The following KDM4C variants were observed in gnomAD, a reference collection of about 807,000 sequenced individuals.
KDM4C encodes the protein lysine-specific demethylase 4C.
A neutral mutation model predicts 129.3 loss-of-function variants in KDM4C; 81 were observed. That is an observed-to-expected ratio of 0.63 (90% confidence interval 0.52 to 0.75). The LOEUF is 0.75. KDM4C is among the 30% of genes least tolerant of loss of function. The pLI is 0.00. For missense variants in KDM4C, 1,457 were observed against 1,304.0 expected, an observed-to-expected ratio of 1.12 and a Z score of -1.81; for synonymous variants, 573 against 456.1, an observed-to-expected ratio of 1.26 and a Z score of -3.26.
In KDM4C at chr9:6,957,527, G is replaced by A. The variant is rs139907662; in HGVS notation, c.922-23398G>A. On this transcript the variant is annotated intron_variant, in intron 8 of 21. Coordinates refer to ENST00000381309, the MANE Select transcript of KDM4C (RefSeq NM_015061.6). ...TAATTTTTTTTTTTCTGCAGTAATAGCAGCCACAGTGGTAGTGGCAGCGAC... is the reference window on the plus strand; with the variant it reads ...TAATTTTTTTTTTTCTGCAGTAATAACAGCCACAGTGGTAGTGGCAGCGAC... 8.0e-3 allele frequency among the ~76,000 whole-genome samples: 1,213 copies of A among 151,924 alleles called. 12 individuals are homozygous for A. Among genetic ancestry groups the A allele is most frequent in the African/African-American group, 0.026 (1,097 of 41,406 alleles).
rs369901786 is a variant in KDM4C at position 6,981,071 on chromosome 9, A to G, written c.1068A>G (p.Val356=). The part of the protein sequence containing the change: ...TKPTPASTPE[V]KAWLQRRRKV... Reference sequence around the variant, plus strand: ...CTACTCCAGCATCCACCCCTGAAGTAAAAGCATGGCTGCAGAGGAGGAGGA... The same window carrying G: ...CTACTCCAGCATCCACCCCTGAAGTGAAAGCATGGCTGCAGAGGAGGAGGA... The change falls in exon 9 of 22, where the codon GTA becomes GTG. Residue 356 remains valine, a synonymous_variant. Coordinates refer to ENST00000381309, the MANE Select transcript of KDM4C (RefSeq NM_015061.6). 4.5e-5 allele frequency: 73 copies of G among 1,613,264 alleles called. No individual in the cohort carries two copies. In the Admixed American group the frequency reaches 9.9e-4, roughly 22 times the overall value.
At chr9:6,750,204 G>T (rs1235124162) in intron 1 of KDM4C, among the ~76,000 whole-genome samples, 2 of 151,914 alleles carry the variant, frequency 1.3e-5, no homozygotes, top group Non-Finnish European at 2.9e-5. Flanking sequence ...ACTTTGGGAG[G>T]CTGAGGTGGG....
At position 7,089,079 on chromosome 9, in the gene KDM4C, G is replaced by A. The variant is rs186837819; in HGVS notation, c.2425-14606G>A. Among the ~76,000 whole-genome samples the A allele has an allele frequency of 3.2e-3, 482 of 151,982 alleles. 1 individual carries two copies. Among genetic ancestry groups the A allele is most frequent in the Non-Finnish European group, 5.4e-3 (370 of 67,952 alleles). On this transcript the variant is annotated intron_variant, in intron 17 of 21. Coordinates refer to ENST00000381309, the MANE Select transcript of KDM4C (RefSeq NM_015061.6). Reference sequence around the variant, plus strand: ...ATGAGTTAAAAAACAAAACAGGAAGGAAAAAGAAAAATATTAGAGCTGCTA... The same window carrying A: ...ATGAGTTAAAAAACAAAACAGGAAGAAAAAAGAAAAATATTAGAGCTGCTA...
chr9:6,731,628 G>C (rs528575493), intron 1 of KDM4C, among the ~76,000 whole-genome samples: 1 of 152,116 alleles, frequency 6.6e-6, no homozygotes, highest in Non-Finnish European at 1.5e-5. Context: ...CACTGCGCCC[G>C]GCCAAGCAAC....
intron 17 of KDM4C, among the ~76,000 whole-genome samples, chr9:7,094,432 T>A (rs1836173650): frequency 6.6e-6 from 1 of 152,172 alleles, no homozygotes; most frequent in Admixed American, 6.5e-5. Context: ...TAAAAGGAAT[T>A]TCTAAGTGAC....
chr9:6,969,737 A>G (rs1012734228), intron 8 of KDM4C, among the ~76,000 whole-genome samples: 7 of 151,988 alleles, frequency 4.6e-5, no homozygotes, highest in Non-Finnish European at 8.8e-5. Context: ...TTTTTTTTCT[A>G]TGTTCAGAGG....
At chr9:6,933,172 T>C (rs928327626) in intron 8 of KDM4C, among the ~76,000 whole-genome samples, 1 of 152,224 alleles carries the variant, frequency 6.6e-6, no homozygotes, top group African/African-American at 2.4e-5. Context: ...AGCTTTTCTA[T>C]TGGACATTCT....
rs1249686940 is a variant in KDM4C, at chr9:6,758,384, C to T, written c.-18+181C>T. Reference sequence around the variant, plus strand: ...GTCAAGCTGGGGAGGGAGCGGCCGGCCGCGGCCGCAGGGGAGGGATGCGGG... The same window carrying T: ...GTCAAGCTGGGGAGGGAGCGGCCGGTCGCGGCCGCAGGGGAGGGATGCGGG... On this transcript the variant is annotated intron_variant, in intron 1 of 21. Transcript: ENST00000381309. The surrounding 1 kb of genome is among the most constrained non-coding windows in gnomAD (Gnocchi z 4.6). Among the ~76,000 whole-genome samples, 7 of 152,138 alleles carry T rather than the reference C, an allele frequency of 4.6e-5. No individual in the cohort carries two copies. Among genetic ancestry groups the T allele is most frequent in the Non-Finnish European group, 1.0e-4 (7 of 67,986 alleles).
chr9:6,795,806 G>T (rs112651054), intron 2 of KDM4C, among the ~76,000 whole-genome samples: 15 of 151,626 alleles, frequency 9.9e-5, no homozygotes, highest in Non-Finnish European at 2.1e-4. Context: ...CAATTAGCTG[G>T]GATTACAGGT....
rs2132477151 is a variant in KDM4C, at chr9:7,041,580, G to T, written c.2260-5282G>T. Among the ~76,000 whole-genome samples, 3 of 150,846 alleles carry T rather than the reference G, an allele frequency of 2.0e-5. No homozygotes were observed. In the South Asian group the frequency reaches 6.3e-4, roughly 32 times the overall value. On this transcript the variant is annotated intron_variant, in intron 15 of 21. Coordinates refer to ENST00000381309, the MANE Select transcript of KDM4C (RefSeq NM_015061.6). ...TTTTTATTATATCTTGTACTTTTTT[G>T]ATTGTGTGCTAGACATTTTGTCTAT...
intron 1 of KDM4C, among the ~76,000 whole-genome samples, chr9:6,769,490 T>G (rs1563962926): frequency 6.6e-6 from 1 of 152,208 alleles, no homozygotes; most frequent in Non-Finnish European, 1.5e-5. Context: ...TTTCCATTTC[T>G]AAGTCTTGGT....
At chr9:6,759,827 C>T (rs2130396056) in intron 1 of KDM4C, among the ~76,000 whole-genome samples, 1 of 151,616 alleles carries the variant, frequency 6.6e-6, no homozygotes, top group Non-Finnish European at 1.5e-5. Flanking sequence ...GTGGCAGGCG[C>T]CTGTAATCCC....
intron 8 of KDM4C, among the ~76,000 whole-genome samples, chr9:6,905,768 A>G (rs181708212): frequency 6.6e-6 from 1 of 152,098 alleles, no homozygotes. Flanking sequence ...TGTTATTGAG[A>G]TGGAAGGTGT....
intron 19 of KDM4C, among the ~76,000 whole-genome samples, chr9:7,163,975 T>C (rs993082326): frequency 6.6e-6 from 1 of 152,176 alleles, no homozygotes; most frequent in African/African-American, 2.4e-5. Context: ...AGCAATCAAA[T>C]GGCCACTCCT....
intron 1 of KDM4C, among the ~76,000 whole-genome samples, chr9:6,776,085 T>C (rs1822972223): frequency 6.6e-6 from 1 of 152,208 alleles, no homozygotes; most frequent in South Asian, 2.1e-4. Flanking sequence ...AACACACCTT[T>C]CTCTTTTTTA....
At chr9:6,762,984 G>A (rs1474117424) in intron 1 of KDM4C, among the ~76,000 whole-genome samples, 5 of 151,552 alleles carry the variant, frequency 3.3e-5, no homozygotes, top group Admixed American at 6.6e-5. Context: ...TTTACTCCCC[G>A]ACCCTCTAAA....
chr9:7,120,615 C>G (rs1271411754), intron 18 of KDM4C, among the ~76,000 whole-genome samples: 1 of 152,120 alleles, frequency 6.6e-6, no homozygotes, highest in East Asian at 1.9e-4. Flanking sequence ...AACAACATGT[C>G]TTTGGAATCA....
At chr9:6,725,000 C>T (rs1024080119) in intron 1 of KDM4C, among the ~76,000 whole-genome samples, 2 of 152,116 alleles carry the variant, frequency 1.3e-5, no homozygotes, top group Non-Finnish European at 2.9e-5. Flanking sequence ...GATCGGTTTC[C>T]TTGCCTTTTC....
intron 8 of KDM4C, among the ~76,000 whole-genome samples, chr9:6,946,756 AT>A (rs1378528765): frequency 2.6e-5 from 4 of 152,088 alleles, no homozygotes; most frequent in East Asian, 1.9e-4. Flanking sequence ...TTTCTTTTAC[AT>A]TTTTTAATGC....
Sources: allele counts gnomAD v4.1 joint callset (sites outside exome capture counted in the v4.1 genomes callset), GRCh38; gene constraint gnomAD v4.1.1; non-coding constraint Gnocchi (gnomAD v3.1); transcripts MANE v1.5; gene names NCBI Gene and HGNC (gene_info 2026-07-23, HGNC 2026-07-21).